Variants in TOX3 observed in about 807,000 individuals in gnomAD.
TOX3 encodes the protein CAG trinucleotide repeat-containing gene F9 protein.
A neutral mutation model predicts 64.3 loss-of-function variants in TOX3; 22 were observed. The ratio of observed to expected loss-of-function variants is 0.34; its 90% confidence interval spans 0.24 to 0.49. TOX3 has a LOEUF of 0.49. Among genes scored for constraint, TOX3 ranks in the 20% least tolerant of loss-of-function variants. The pLI, the probability that TOX3 is intolerant of heterozygous loss-of-function variation, is 0.99. For synonymous variants in TOX3, 291 were observed against 273.6 expected (o/e 1.06, Z -0.63); for missense variants, 661 against 714.4 (o/e 0.93, Z 0.85).
chr16:52,443,988 A>G (rs113669421), intron 6 of TOX3, among the ~76,000 whole-genome samples: 2 of 152,314 alleles, frequency 1.3e-5, no homozygotes, highest in East Asian at 3.9e-4. Context: ...CCAATCCCTG[A>G]CCAGAAGAAA....
intron 3 of TOX3, among the ~76,000 whole-genome samples, chr16:52,463,364 T>G (rs11647305): frequency 0.31 from 46,532 of 152,182 alleles, 8,272 homozygotes; most frequent in Middle Eastern, 0.5. Context: ...TTATCTTGGC[T>G]CTCTGGAGTG....
chr16:52,469,408 T>C (rs535298026), intron 1 of TOX3, among the ~76,000 whole-genome samples: 1 of 152,320 alleles, frequency 6.6e-6, no homozygotes, highest in South Asian at 2.1e-4. Context: ...TTTTGTTGCT[T>C]TAAACATTCC....
intron 1 of TOX3, among the ~76,000 whole-genome samples, chr16:52,515,201 AAAAG>A (rs1032430801): frequency 1.3e-5 from 2 of 151,220 alleles, no homozygotes; most frequent in African/African-American, 2.4e-5. Context: ...AAAAAAAAGA[AAAAG>A]AAAAAGAAAG....
chr16:52,514,884 A>G (rs4538010), intron 1 of TOX3, among the ~76,000 whole-genome samples: 92,001 of 151,292 alleles, frequency 0.61, 30,551 homozygotes, highest in African/African-American at 0.89. Flanking sequence ...GGTGGCAGGC[A>G]CCTGTAGTCC....
intron 1 of TOX3, among the ~76,000 whole-genome samples, chr16:52,535,617 C>T (rs537393681): frequency 6.6e-6 from 1 of 152,290 alleles, no homozygotes; most frequent in South Asian, 2.1e-4. Flanking sequence ...TAAGACGTTG[C>T]TGTTCAAGAT....
At chr16:52,512,322 A>G (rs1055204876) in intron 1 of TOX3, among the ~76,000 whole-genome samples, 1 of 152,216 alleles carries the variant, frequency 6.6e-6, no homozygotes, top group Non-Finnish European at 1.5e-5. Context: ...TTTCAAAGGA[A>G]AAACTAGGAA....
chr16:52,523,760 A>G (rs553722052), intron 1 of TOX3, among the ~76,000 whole-genome samples: 46 of 152,312 alleles, frequency 3.0e-4, no homozygotes, highest in Admixed American at 9.2e-4. Flanking sequence ...AATTTTCACC[A>G]TAAAAGAACC....
chr16:52,498,174 A>G (rs190311464), intron 1 of TOX3, among the ~76,000 whole-genome samples: 1 of 152,314 alleles, frequency 6.6e-6, no homozygotes, highest in East Asian at 1.9e-4. Context: ...AATCTTTAAT[A>G]TATACAATCA....
chr16:52,477,381 T>A (rs1054095634), intron 1 of TOX3, among the ~76,000 whole-genome samples: 5 of 151,984 alleles, frequency 3.3e-5, no homozygotes, highest in African/African-American at 1.2e-4. Context: ...GAGAGAGAGA[T>A]GTAAAGCCCA....
chr16:52,529,755 A>G (rs142317747), intron 1 of TOX3, among the ~76,000 whole-genome samples: 1 of 152,350 alleles, frequency 6.6e-6, no homozygotes, highest in Non-Finnish European at 1.5e-5. Context: ...TCTTCTTGAT[A>G]TAGTAACCTA....
At chr16:52,517,818 C>T (rs905501885) in intron 1 of TOX3, among the ~76,000 whole-genome samples, 11 of 152,102 alleles carry the variant, frequency 7.2e-5, no homozygotes, top group African/African-American at 2.7e-4. Flanking sequence ...GTATCAAAAA[C>T]GTTTCTATTT....
intron 4 of TOX3, among the ~76,000 whole-genome samples, chr16:52,446,607 G>T (rs1960171725): frequency 6.6e-6 from 1 of 151,958 alleles, no homozygotes; most frequent in African/African-American, 2.4e-5. Context: ...TCAGGATGTT[G>T]ATCATATTCA....
intron 1 of TOX3, among the ~76,000 whole-genome samples, chr16:52,493,145 A>G (rs1449778218): frequency 1.3e-5 from 2 of 152,206 alleles, no homozygotes; most frequent in African/African-American, 4.8e-5. Context: ...TCGGTGACTT[A>G]TAACTGGGGC....
rs1413055541 is a variant in TOX3 at position 52,546,806 on chromosome 16, C to T, written c.-83G>A. 3 of 1,325,418 alleles carry T rather than the reference C, an allele frequency of 2.3e-6. No individual in the cohort carries two copies. The highest frequency in any genetic ancestry group is 2.9e-6 in the Non-Finnish European group (3 of 1,039,050). 82.1% of individuals were successfully genotyped at this position (1,325,418 alleles called of 1,614,324 possible). A position where few individuals can be genotyped will look rare whatever the true frequency, so the allele number is the denominator to read the frequency against. ...GCCTCCTCGCCGCCGCTAGATCCACCGTCGAGGGCGCCCGGGGGTGGCGCG... is the reference window on the plus strand; with the variant it reads ...GCCTCCTCGCCGCCGCTAGATCCACTGTCGAGGGCGCCCGGGGGTGGCGCG... On this transcript the variant is annotated 5_prime_UTR_variant, in exon 1 of 7. Transcript: ENST00000219746.
At chr16:52,450,727 G>A (rs922021286) in intron 3 of TOX3, among the ~76,000 whole-genome samples, 181 bp from the exon 4 acceptor site, 8 of 150,542 alleles carry the variant, frequency 5.3e-5, no homozygotes, top group Non-Finnish European at 8.8e-5. Context: ...GAAGTTGAAA[G>A]TTGAGAAGCA....
At chr16:52,482,070 A>T (rs2151449703) in intron 1 of TOX3, among the ~76,000 whole-genome samples, 1 of 152,322 alleles carries the variant, frequency 6.6e-6, no homozygotes, top group Non-Finnish European at 1.5e-5. Flanking sequence ...TAGTTTGAGT[A>T]TGTGGCTAAT....
rs1963210767 is a variant in TOX3 at position 52,546,938 on chromosome 16, G to GCGGCCGGGGGGACGCGCC, written c.-233_-216dup. The GCGGCCGGGGGGACGCGCC allele has an allele frequency of 7.9e-6, 8 of 1,009,080 alleles. No homozygotes were observed. The African/African-American group carries it at 1.2e-4, about 15-fold the overall frequency. 62.5% of individuals were successfully genotyped at this position (1,009,080 alleles called of 1,614,324 possible). On this transcript the variant is annotated 5_prime_UTR_variant, in exon 1 of 7. Coordinates refer to ENST00000219746, the MANE Select transcript of TOX3 (RefSeq NM_001080430.4). ...CACGCGAGCCGCGGGAGAGCGGGAG[G>GCGGCCGGGGGGACGCGCC]CGGCCGGGGGGACGCGCCCCGCCGG...
intron 1 of TOX3, among the ~76,000 whole-genome samples, chr16:52,480,119 G>A (rs921399630): frequency 6.6e-6 from 1 of 152,154 alleles, no homozygotes; most frequent in African/African-American, 2.4e-5. Flanking sequence ...CCAGGGCCAG[G>A]CACACGATAG....
intron 1 of TOX3, among the ~76,000 whole-genome samples, chr16:52,525,704 C>A (rs1181909552): frequency 1.3e-5 from 2 of 152,336 alleles, no homozygotes; most frequent in East Asian, 3.9e-4. Flanking sequence ...TACACACACA[C>A]ACACGCACAC....
Sources: gnomAD v4.1 joint callset for allele counts (sites outside exome capture counted in the v4.1 genomes callset) on GRCh38, gnomAD v4.1.1 for gene constraint, MANE v1.5 for transcripts, NCBI Gene and HGNC (gene_info 2026-07-23, HGNC 2026-07-21) for gene names.